PCLO: variants seen among roughly 807,000 people sequenced by gnomAD.
The protein encoded by PCLO is protein piccolo.
PCLO carries 82 observed loss-of-function variants against 427.5 expected under a neutral mutation model. The observed-to-expected ratio is 0.19, with a 90% CI of 0.16 to 0.23. The LOEUF is 0.23. PCLO is among the 10% of genes least tolerant of loss of function. The pLI, the probability that PCLO is intolerant of heterozygous loss-of-function variation, is 1.00. For synonymous variants in PCLO, 2,357 were observed against 2,155.4 expected (o/e 1.09, Z -2.59); for missense variants, 6,239 against 6,115.9 (o/e 1.02, Z -0.67).
In PCLO at chr7:82,756,426, T is replaced by C. The variant is rs1790319445; in HGVS notation, c.*2149A>G. 1.3e-5 allele frequency: 2 copies of C among 152,068 alleles called. No homozygotes were observed. Among genetic ancestry groups the C allele is most frequent in the South Asian group, 2.1e-4 (1 of 4,824 alleles). 9.4% of individuals were successfully genotyped at this position (152,068 alleles called of 1,614,324 possible). On this transcript the variant is annotated 3_prime_UTR_variant, in exon 25 of 25. Transcript: ENST00000333891. ...CTCCCATGCTCATTTGAGAGCAATG[T>C]CAATGGTAAATGACATTGTATTGTC...
At chr7:82,773,671 G>C (rs1219535951) in intron 22 of PCLO, among the ~76,000 whole-genome samples, 3 of 149,564 alleles carry the variant, frequency 2.0e-5, no homozygotes, top group Non-Finnish European at 2.9e-5. Flanking sequence ...CTAGATGAAA[G>C]AGCAAACTCT....
At position 82,944,040 on chromosome 7, in the gene PCLO, G is replaced by A. The variant is rs374042559; in HGVS notation, c.11112+5436C>T. Among the ~76,000 whole-genome samples, 118 of 150,958 alleles carry A rather than the reference G, an allele frequency of 7.8e-4. 2 individuals carry two copies. The East Asian group carries it at 0.019, about 25-fold the overall frequency. ...CAAGCACCTGTAATCCCAGCTACTC[G>A]GGAGGCTGAGGCAGGAGAATCACTT... On this transcript the variant is annotated intron_variant, in intron 6 of 24. Coordinates refer to ENST00000333891, the MANE Select transcript of PCLO (RefSeq NM_033026.6).
In PCLO at chr7:82,847,288, T is replaced by A. The variant is rs777019797; in HGVS notation, c.13655-41A>T. The A allele has an allele frequency of 9.7e-6, 11 of 1,136,512 alleles. 1 individual carries two copies. In the South Asian group the frequency reaches 1.3e-4, roughly 14 times the overall value. 70.4% of individuals were successfully genotyped at this position (1,136,512 alleles called of 1,614,324 possible). The stretch of plus-strand genomic sequence containing the variant: ...TGAATATAAAATCAAACGTGTGCTA[T>A]CTCTAGTCTGGGTACATATGGCATT... On this transcript the variant is annotated intron_variant, in intron 10 of 24. Transcript: ENST00000333891.
rs1382143588 is a variant in PCLO, at chr7:83,135,670, A to G, written c.1894-14T>C. On this transcript the variant is annotated splice_polypyrimidine_tract_variant and intron_variant, in intron 2 of 24. Transcript: ENST00000333891. ...CCACTCTTTTACCTACAAATAATAT[A>G]AAACAATGGTCACCGAGACAATACT... 10 of 1,513,250 alleles carry G rather than the reference A, an allele frequency of 6.6e-6. No homozygotes were observed. Among genetic ancestry groups the G allele is most frequent in the Non-Finnish European group, 8.9e-6 (10 of 1,119,396 alleles). 93.7% of individuals were successfully genotyped at this position (1,513,250 alleles called of 1,614,324 possible).
intron 3 of PCLO, among the ~76,000 whole-genome samples, chr7:83,018,959 T>A (rs1788274693): frequency 6.6e-6 from 1 of 152,034 alleles, no homozygotes; most frequent in South Asian, 2.1e-4. Flanking sequence ...AGAAAATACC[T>A]TTTTGGAAGA....
chr7:82,857,870 T>A (rs1178881110), intron 10 of PCLO, among the ~76,000 whole-genome samples: 4 of 152,100 alleles, frequency 2.6e-5, no homozygotes, highest in Non-Finnish European at 4.4e-5. Context: ...AAAGTATGCT[T>A]CACAAGAAAT....
intron 6 of PCLO, among the ~76,000 whole-genome samples, chr7:82,925,564 A>T (rs975797365): frequency 4.7e-4 from 72 of 152,226 alleles, no homozygotes; most frequent in African/African-American, 1.7e-3. Context: ...AATATTCAGC[A>T]GTCTATCTTA....
intron 6 of PCLO, among the ~76,000 whole-genome samples, chr7:82,926,475 A>C (rs2116320679): frequency 6.6e-6 from 1 of 152,342 alleles, no homozygotes; most frequent in South Asian, 2.1e-4. Context: ...GAATAAAAAC[A>C]AAATAGAACA....
chr7:83,048,581 TA>T (rs1725366574), intron 3 of PCLO, among the ~76,000 whole-genome samples: 1 of 152,168 alleles, frequency 6.6e-6, no homozygotes, highest in Non-Finnish European at 1.5e-5. Flanking sequence ...AACTCCACAC[TA>T]ATACTGCAGG....
intron 3 of PCLO, among the ~76,000 whole-genome samples, chr7:82,973,734 G>C (rs1337882776): frequency 6.6e-6 from 1 of 151,668 alleles, no homozygotes; most frequent in Non-Finnish European, 1.5e-5. Context: ...TTGCAATGTA[G>C]GTTTCTGTAT....
At chr7:83,088,510 C>T (rs1465446263) in intron 3 of PCLO, among the ~76,000 whole-genome samples, 1 of 152,172 alleles carries the variant, frequency 6.6e-6, no homozygotes, top group East Asian at 1.9e-4. Context: ...ATCGATGTTT[C>T]CAGATCAAGA....
At chr7:83,111,396 C>G (rs55810127) in intron 3 of PCLO, among the ~76,000 whole-genome samples, 177 of 152,266 alleles carry the variant, frequency 1.2e-3, no homozygotes, top group Non-Finnish European at 2.0e-3. Context: ...AAGATACCAT[C>G]CAATTAGGCT....
chr7:82,867,607 T>C (rs1421592575), intron 10 of PCLO, among the ~76,000 whole-genome samples: 5 of 152,192 alleles, frequency 3.3e-5, no homozygotes, highest in Non-Finnish European at 5.9e-5. Flanking sequence ...CCAAGAAATA[T>C]TGGTTAGACA....
chr7:83,065,235 C>A (rs1199859475), intron 3 of PCLO, among the ~76,000 whole-genome samples: 2 of 151,910 alleles, frequency 1.3e-5, no homozygotes, highest in African/African-American at 2.4e-5. Context: ...CATATTTGCT[C>A]TTTTAAAATT....
chr7:82,988,715 T>C (rs916430717), intron 3 of PCLO, among the ~76,000 whole-genome samples: 2 of 152,154 alleles, frequency 1.3e-5, no homozygotes, highest in Non-Finnish European at 2.9e-5. Context: ...TCTTAAATTA[T>C]GTTTCTAGGG....
intron 22 of PCLO, among the ~76,000 whole-genome samples, chr7:82,788,544 C>A (rs1411207207): frequency 1.3e-5 from 2 of 151,918 alleles, no homozygotes; most frequent in Admixed American, 6.6e-5. Flanking sequence ...GCTTTTCATA[C>A]CTTATGGTAG....
At chr7:83,029,792 T>C (rs1444902666) in intron 3 of PCLO, among the ~76,000 whole-genome samples, 1 of 137,342 alleles carries the variant, frequency 7.3e-6, no homozygotes, top group Non-Finnish European at 1.5e-5. Flanking sequence ...TAAAAAATGA[T>C]GAGTTCACGT....
intron 9 of PCLO, among the ~76,000 whole-genome samples, chr7:82,902,440 G>C (rs553464813): frequency 8.3e-4 from 126 of 151,956 alleles, no homozygotes; most frequent in African/African-American, 2.8e-3. Context: ...GTGAGGGAAG[G>C]GGGGAGGGAT....
At chr7:82,798,967 A>G (rs1001511546) in intron 22 of PCLO, among the ~76,000 whole-genome samples, 3 of 152,176 alleles carry the variant, frequency 2.0e-5, no homozygotes, top group African/African-American at 4.8e-5. Flanking sequence ...ATTGACTCAT[A>G]AGTTTAAATA....
Sources: gnomAD v4.1 joint callset for allele counts (sites outside exome capture counted in the v4.1 genomes callset) on GRCh38, gnomAD v4.1.1 for gene constraint, MANE v1.5 for transcripts, NCBI Gene and HGNC (gene_info 2026-07-23, HGNC 2026-07-21) for gene names.